The following SMARCA4 variants were observed in gnomAD, a reference collection of about 807,000 sequenced individuals.
The protein encoded by SMARCA4 is SWI/SNF-related matrix-associated actin-dependent regulator of chromatin subfamily A member 4.
In SMARCA4, 31 loss-of-function variants were observed where a neutral mutation model predicts 193.9. The ratio of observed to expected loss-of-function variants is 0.16; its 90% CI spans 0.12 to 0.22. The LOEUF is 0.22. Ranked by LOEUF, SMARCA4 falls within the 10% of genes least tolerant of loss-of-function variation. SMARCA4 has a pLI of 1.00. For missense variants in SMARCA4, 1,148 were observed against 2,296.0 expected (o/e 0.50, Z 10.22); for synonymous variants, 942 against 933.1 (o/e 1.01, Z -0.17).
At chr19:10,966,757 G>A (rs2084252806) in intron 1 of SMARCA4, among the ~76,000 whole-genome samples, 2 of 152,138 alleles carry the variant, frequency 1.3e-5, no homozygotes, top group Non-Finnish European at 1.5e-5. Context: ...GCATGGTGGT[G>A]TGCGCCTGTA....
intron 23 of SMARCA4, among the ~76,000 whole-genome samples, chr19:11,027,156 G>C (rs923561250): frequency 1.3e-5 from 2 of 152,216 alleles, no homozygotes; most frequent in Non-Finnish European, 2.9e-5. Context: ...TTTGCAAGAA[G>C]AGAGGCGCCT....
At chr19:11,013,540 G>A (rs763386206) in intron 16 of SMARCA4, among the ~76,000 whole-genome samples, 7 of 152,132 alleles carry the variant, frequency 4.6e-5, no homozygotes, top group South Asian at 2.1e-4. Flanking sequence ...AGCTCCACCC[G>A]TCACAGCCTC....
intron 23 of SMARCA4, among the ~76,000 whole-genome samples, chr19:11,026,824 G>A (rs183177982): frequency 1.6e-4 from 25 of 152,248 alleles, no homozygotes; most frequent in Admixed American, 5.2e-4. Flanking sequence ...TTAGTGCTTG[G>A]AGAGCTGACC....
chr19:10,969,268 T>G (rs1379137129), intron 1 of SMARCA4, among the ~76,000 whole-genome samples: 2 of 152,096 alleles, frequency 1.3e-5, no homozygotes, highest in Non-Finnish European at 2.9e-5. Context: ...TATTTAAAAA[T>G]TTATGTTTTA....
In SMARCA4 at chr19:11,022,009, C is replaced by T. The variant is rs745651025; in HGVS notation, c.2859+42C>T. 1.6e-5 allele frequency: 26 copies of T among 1,610,664 alleles called. No homozygotes were observed. The East Asian group carries it at 2.7e-4, about 17-fold the overall frequency. ...GTGCCCATGCTGACGGTTCCAGGTG[C>T]GGCTGGCTTTGCTGGTTGGAACGTG... On this transcript the variant is annotated intron_variant, in intron 19 of 34. Transcript: ENST00000344626.
At position 11,033,967 on chromosome 19, in the gene SMARCA4, C is replaced by T. The variant is rs2075102493; in HGVS notation, c.3873+102C>T. 1.1e-5 allele frequency: 8 copies of T among 748,714 alleles called. No individual in the cohort carries two copies. Among genetic ancestry groups the T allele is most frequent in the Non-Finnish European group, 1.7e-5 (7 of 409,262 alleles). The allele number at this position is 748,714 out of a possible 1,614,324, so 46.4% of individuals were successfully genotyped here. On this transcript the variant is annotated intron_variant, in intron 27 of 34. Transcript: ENST00000344626. This position sits in a 1 kb window ranked among gnomAD's most constrained non-coding sequence, Gnocchi z 9.8. ...CCCACGGAGCGTGCGTGTGCGTGTG[C>T]GTGTGTGTGCCTTTCGCTGCCGTGT...
intron 11 of SMARCA4, among the ~76,000 whole-genome samples, chr19:10,997,290 C>G (rs993000580): frequency 6.6e-6 from 1 of 152,076 alleles, no homozygotes; most frequent in African/African-American, 2.4e-5. Flanking sequence ...GCTCCGCCTC[C>G]TGGGTTCACG....
chr19:10,995,117 G>T, intron 9 of SMARCA4, 116 bp downstream of exon 9: 1 of 987,210 alleles, frequency 1.0e-6, no homozygotes, highest in East Asian at 2.6e-5. Flanking sequence ...GTTAGAGGTG[G>T]GACAGAGGGA....
chr19:11,061,277 C>G (rs1300290890), intron 34 of SMARCA4, among the ~76,000 whole-genome samples: 1 of 129,822 alleles, frequency 7.7e-6, no homozygotes, highest in Non-Finnish European at 1.6e-5. Context: ...CAGGAAGAAC[C>G]AAGATGGTTT....
At chr19:11,047,276 A>G (rs1463641946) in intron 30 of SMARCA4, among the ~76,000 whole-genome samples, 2 of 152,176 alleles carry the variant, frequency 1.3e-5, no homozygotes, top group Non-Finnish European at 2.9e-5. Flanking sequence ...TGGGCGGATC[A>G]CTTGAGGTGA....
chr19:10,961,964 C>A (rs530683798), intron 1 of SMARCA4, among the ~76,000 whole-genome samples: 10 of 150,136 alleles, frequency 6.7e-5, no homozygotes, highest in African/African-American at 2.5e-4. Context: ...TTGAAGATAC[C>A]AGTCTTGATT....
intron 14 of SMARCA4, chr19:11,008,329 A>G (rs2088445680): frequency 2.4e-5 from 9 of 377,442 alleles, no homozygotes; most frequent in South Asian, 1.9e-4. Context: ...CCCTGGGGAA[A>G]CTTTCCAGCC....
Position 10,984,104 on chromosome 19 carries a change from C to G in SMARCA4, c.-31-17C>G, listed in dbSNP as rs930769999. The stretch of plus-strand genomic sequence containing the variant: ...CCCTTGGTCATGAACCCCAGACTGA[C>G]CAGGACTGTCTTCCAGCAGGAGGCC... On this transcript the variant is annotated splice_polypyrimidine_tract_variant and intron_variant, in intron 1 of 34. Transcript: ENST00000344626. The surrounding 1 kb of genome is among the most constrained non-coding windows in gnomAD (Gnocchi z 4.3). The G allele has an allele frequency of 6.2e-7, 1 of 1,611,866 alleles. No individual in the cohort carries two copies. The highest frequency in any genetic ancestry group is 1.3e-5 in the African/African-American group (1 of 74,878).
chr19:11,058,155 G>T lies in SMARCA4; in HGVS notation c.4425-100G>T. ...AAGAAATAGCTCCTGAGCTGAGTTGGAATTTCTCATCCTTAAACAATGTGG... is the reference window on the plus strand; with the variant it reads ...AAGAAATAGCTCCTGAGCTGAGTTGTAATTTCTCATCCTTAAACAATGTGG... On this transcript the variant is annotated intron_variant, in intron 30 of 34. Transcript: ENST00000344626. This position sits in a 1 kb window ranked among gnomAD's most constrained non-coding sequence, Gnocchi z 5.8. The T allele has an allele frequency of 1.3e-6, 1 of 784,596 alleles. No individual in the cohort carries two copies. Among genetic ancestry groups the T allele is most frequent in the Non-Finnish European group, 2.2e-6 (1 of 448,828 alleles). The allele number at this position is 784,596 out of a possible 1,614,324, so 48.6% of individuals were successfully genotyped here.
At chr19:11,039,865 G>A (rs182653561) in intron 29 of SMARCA4, 114 of 183,742 alleles carry the variant, frequency 6.2e-4, no homozygotes, top group African/African-American at 2.5e-3. Flanking sequence ...GGTGGATCAC[G>A]AGGTTAAGAG....
chr19:11,039,679 A>G lies in SMARCA4; in HGVS notation c.4171-1628A>G, dbSNP rs1409836864. The G allele has an allele frequency of 6.6e-6, 3 of 455,688 alleles. No homozygotes were observed. The East Asian group carries it at 1.1e-4, about 16-fold the overall frequency. The allele number at this position is 455,688 out of a possible 1,614,324, so 28.2% of individuals were successfully genotyped here. ...AATTTTATGTTATATATGATTTATAATATATTTTTTTAAATGCCCAGCTAC... is the reference window on the plus strand; with the variant it reads ...AATTTTATGTTATATATGATTTATAGTATATTTTTTTAAATGCCCAGCTAC... On this transcript the variant is annotated intron_variant, in intron 29 of 34. Coordinates refer to ENST00000344626, the MANE Select transcript of SMARCA4 (RefSeq NM_003072.5).
At position 10,986,708 on chromosome 19, in the gene SMARCA4, C is replaced by A; in HGVS notation, c.760+115C>A. ...CTGGGTTCCCCGGTTTGGGATTGCA[C>A]GGGCCCATACTGCACTTCTGGGTGC... On this transcript the variant is annotated intron_variant, in intron 4 of 34. Transcript: ENST00000344626. The surrounding 1 kb of genome is among the most constrained non-coding windows in gnomAD (Gnocchi z 6.7). 1 of 1,444,092 alleles carries A rather than the reference C, an allele frequency of 6.9e-7. No homozygotes were observed. Among genetic ancestry groups the A allele is most frequent in the Non-Finnish European group, 9.4e-7 (1 of 1,068,224 alleles). 89.5% of individuals were successfully genotyped at this position (1,444,092 alleles called of 1,614,324 possible). A position where few individuals can be genotyped will look rare whatever the true frequency, so the allele number is the denominator to read the frequency against.
chr19:10,968,427 TGTGA>T (rs1219630981), intron 1 of SMARCA4, among the ~76,000 whole-genome samples: 2 of 152,184 alleles, frequency 1.3e-5, no homozygotes, highest in Non-Finnish European at 2.9e-5. Flanking sequence ...TGCAGCCAGC[TGTGA>T]GTGTGATAGA....
chr19:10,991,435 T>C, intron 8 of SMARCA4, 112 bp downstream of exon 8: 1 of 1,493,304 alleles, frequency 6.7e-7, no homozygotes, highest in Admixed American at 2.0e-5. Flanking sequence ...TGCTTGTCTC[T>C]CTCTTTTGCT....
Sources: allele counts gnomAD v4.1 joint callset (sites outside exome capture counted in the v4.1 genomes callset), GRCh38; gene constraint gnomAD v4.1.1; non-coding constraint Gnocchi (gnomAD v3.1); transcripts MANE v1.5; gene names NCBI Gene and HGNC (gene_info 2026-07-23, HGNC 2026-07-21).